IFNAR2: variants seen among roughly 807,000 people sequenced by gnomAD.
IFNAR2 encodes the protein interferon alpha and beta receptor subunit 2.
In IFNAR2, 30 loss-of-function variants were observed where a neutral mutation model predicts 49.4. The ratio of observed to expected loss-of-function variants is 0.61; its 90% CI spans 0.45 to 0.82. The LOEUF (loss-of-function observed/expected upper bound fraction) is 0.82. Ranked by LOEUF, IFNAR2 falls within the 40% of genes least tolerant of loss-of-function variation. The pLI is 0.00. For synonymous variants in IFNAR2, 224 were observed against 234.5 expected, an observed-to-expected ratio of 0.96 and a Z score of 0.41; for missense variants, 600 against 622.7, an observed-to-expected ratio of 0.96 and a Z score of 0.39.
In IFNAR2 at chr21:33,246,854, T is replaced by C. The variant is rs1987456623; in HGVS notation, c.358T>C (p.Phe120Leu). Reference protein sequence around the residue: ...LEGFSGNTTLFSCSHNFWLAI... With the variant: ...LEGFSGNTTLLSCSHNFWLAI... ...AGGATTCAGCGGGAACACAACGTTGTTCAGTTGCTCACACAATTTCTGGCT... is the reference window on the plus strand; with the variant it reads ...AGGATTCAGCGGGAACACAACGTTGCTCAGTTGCTCACACAATTTCTGGCT... Residue 120 changes from phenylalanine (F) to leucine (L), a missense_variant, in exon 5 of 9, where the codon TTC (phenylalanine) becomes CTC (leucine). Phe to Leu is a conservative substitution (Grantham distance 22). Transcript: ENST00000342136. 2.5e-6 allele frequency: 4 copies of C among 1,614,200 alleles called. No homozygotes were observed. Among genetic ancestry groups the C allele is most frequent in the Non-Finnish European group, 3.4e-6 (4 of 1,180,008 alleles).
rs1987290876 is a variant in IFNAR2, at chr21:33,245,036, T to A, written c.183T>A (p.Ile61=). 3.1e-6 allele frequency: 5 copies of A among 1,611,178 alleles called. No individual in the cohort carries two copies. Among genetic ancestry groups the A allele is most frequent in the Non-Finnish European group, 4.2e-6 (5 of 1,177,284 alleles). ...CATGGGAATTAAAAAACCACTCCAT[T>A]GTACCAACTCACTATACATTGCTGT... The part of the protein sequence containing the change: ...ILSWELKNHS[I]VPTHYTLLYT... The change falls in exon 4 of 9, where the codon ATT becomes ATA. Residue 61 remains isoleucine, a synonymous_variant. Coordinates refer to ENST00000342136, the MANE Select transcript of IFNAR2 (RefSeq NM_001289125.3).
At chr21:33,259,124 C>A (rs961629672) in intron 7 of IFNAR2, among the ~76,000 whole-genome samples, 2 of 152,000 alleles carry the variant, frequency 1.3e-5, no homozygotes, top group Non-Finnish European at 2.9e-5. Flanking sequence ...TGTGAGGTTT[C>A]TTATTTTTTG....
At chr21:33,233,908 CAA>C (rs369800912) in intron 1 of IFNAR2, among the ~76,000 whole-genome samples, 1 of 138,042 alleles carries the variant, frequency 7.2e-6, no homozygotes. Context: ...AATATACAGC[CAA>C]AAAAAAAAGA....
chr21:33,262,436 A>G, intron 8 of IFNAR2: 1 of 582,530 alleles, frequency 1.7e-6, no homozygotes, highest in East Asian at 2.8e-5. Flanking sequence ...AATTATATAT[A>G]AAGCACCAAG....
intron 1 of IFNAR2, among the ~76,000 whole-genome samples, chr21:33,237,452 T>G (rs989824377): frequency 6.6e-6 from 1 of 151,956 alleles, no homozygotes; most frequent in East Asian, 1.9e-4. Flanking sequence ...GGAGAATCGC[T>G]TGAGCCCAGG....
At chr21:33,245,107 C>T (rs780442703) in intron 4 of IFNAR2, 33 bp downstream of exon 4, 1 of 1,513,812 alleles carries the variant, frequency 6.6e-7, no homozygotes, top group South Asian at 1.1e-5. Flanking sequence ...TCTTGGTAAA[C>T]ATATTATTGT....
chr21:33,260,620 G>T lies in IFNAR2; in HGVS notation c.733G>T (p.Gly245Ter). ...AGAATCAGCAGAATCTGCCAAAATA[G>T]GAGGAATAATTACTGTGTTTTTGAT... is the stretch of plus-strand genomic sequence containing the variant. ...ESESAESAKIGGIITVFLIAL... is the reference protein window; with the variant it reads ...ESESAESAKI Residue 245 changes from glycine (G) to a stop codon, truncating the protein, a stop_gained, in exon 8 of 9, where the codon GGA becomes TGA. Transcript: ENST00000342136. LOFTEE classifies it high-confidence loss of function. The T allele has an allele frequency of 6.3e-7, 1 of 1,584,374 alleles. No individual in the cohort carries two copies. The highest frequency in any genetic ancestry group is 8.5e-7 in the Non-Finnish European group (1 of 1,171,854).
chr21:33,248,359 G>A (rs1987592386), intron 5 of IFNAR2, among the ~76,000 whole-genome samples: 1 of 109,984 alleles, frequency 9.1e-6, no homozygotes. Flanking sequence ...AAAAGAAAGA[G>A]AGAAAGAAAG....
At chr21:33,246,293 A>G (rs1292248758) in intron 4 of IFNAR2, among the ~76,000 whole-genome samples, 1 of 152,032 alleles carries the variant, frequency 6.6e-6, no homozygotes, top group African/African-American at 2.4e-5. Context: ...GATGGTCTCA[A>G]TCTCCTGACC....
chr21:33,241,630 A>AT (rs11287506), intron 1 of IFNAR2, among the ~76,000 whole-genome samples: 10 of 151,398 alleles, frequency 6.6e-5, no homozygotes, highest in South Asian at 6.3e-4. Context: ...ACTTTTCACA[A>AT]TTTTTTTTTT....
At position 33,265,581 on chromosome 21, in the gene IFNAR2, G is replaced by A. The variant is rs1988903036; in HGVS notation, c.*2081G>A. 1 of 195,128 alleles carries A rather than the reference G, an allele frequency of 5.1e-6. No homozygotes were observed. Among genetic ancestry groups the A allele is most frequent in the African/African-American group, 2.4e-5 (1 of 41,768 alleles). The allele number at this position is 195,128 out of a possible 1,614,324, so 12.1% of individuals were successfully genotyped here. A position where few individuals can be genotyped will look rare whatever the true frequency, so the allele number is the denominator to read the frequency against. On this transcript the variant is annotated 3_prime_UTR_variant, in exon 9 of 9. Transcript: ENST00000342136. ...ATAACCTCTATGGCTGTGAGTGTGTGTGTGTGTTTGTGTATTTTTTAACAT... is the reference window on the plus strand; with the variant it reads ...ATAACCTCTATGGCTGTGAGTGTGTATGTGTGTTTGTGTATTTTTTAACAT...
intron 6 of IFNAR2, chr21:33,251,577 ACTC>A: frequency 3.0e-6 from 3 of 985,048 alleles, no homozygotes; most frequent in Non-Finnish European, 3.6e-6. Context: ...TTGTTTACTA[ACTC>A]CTCCTCCCAA....
chr21:33,253,581 A>G (rs1988010946), intron 7 of IFNAR2, among the ~76,000 whole-genome samples: 1 of 152,200 alleles, frequency 6.6e-6, no homozygotes, highest in Admixed American at 6.5e-5. Flanking sequence ...TTGCGCAAGA[A>G]AGAATTCAGA....
At chr21:33,234,972 A>C (rs1243925223) in intron 1 of IFNAR2, among the ~76,000 whole-genome samples, 1 of 152,244 alleles carries the variant, frequency 6.6e-6, no homozygotes, top group Non-Finnish European at 1.5e-5. Context: ...TGGATTATTC[A>C]TAAGTTGTCT....
rs1427654176 is a variant in IFNAR2, at chr21:33,263,406, C to T, written c.1454C>T (p.Ser485Phe). The T allele has an allele frequency of 6.2e-7, 1 of 1,614,018 alleles. No individual in the cohort carries two copies. Among genetic ancestry groups the T allele is most frequent in the East Asian group, 2.2e-5 (1 of 44,896 alleles). ...ACACAGCCAACCTTTCCCAGCCCCTCTTCAGAGGGCCTGTGGTCCGAAGAT... is the reference window on the plus strand; with the variant it reads ...ACACAGCCAACCTTTCCCAGCCCCTTTTCAGAGGGCCTGTGGTCCGAAGAT... ...EGTQPTFPSP[S>F]SEGLWSEDAP... is the part of the protein sequence containing the mutation. Residue 485 changes from serine (S) to phenylalanine (F), a missense_variant, in exon 9 of 9, where the codon TCT becomes TTT. Transcript: ENST00000342136.
intron 7 of IFNAR2, among the ~76,000 whole-genome samples, chr21:33,254,140 C>G (rs1179932569): frequency 6.6e-6 from 1 of 152,144 alleles, no homozygotes; most frequent in African/African-American, 2.4e-5. Context: ...TTCTAAGCCC[C>G]CCAACCAACT....
intron 1 of IFNAR2, chr21:33,234,712 C>G: frequency 6.1e-6 from 6 of 984,008 alleles, no homozygotes; most frequent in Non-Finnish European, 7.2e-6. Flanking sequence ...GCTCTTCTTT[C>G]AGAATGGAGA....
In IFNAR2 at chr21:33,230,208, G is replaced by A. The variant is rs1198616803; in HGVS notation, c.-92G>A. The A allele has an allele frequency of 4.8e-6, 5 of 1,049,216 alleles. No homozygotes were observed. Among genetic ancestry groups the A allele is most frequent in the African/African-American group, 1.7e-5 (1 of 57,656 alleles). The allele number at this position is 1,049,216 out of a possible 1,614,324, so 65.0% of individuals were successfully genotyped here. A position where few individuals can be genotyped will look rare whatever the true frequency, so the allele number is the denominator to read the frequency against. On this transcript the variant is annotated 5_prime_UTR_variant, in exon 1 of 9. Transcript: ENST00000342136. This position sits in a 1 kb window ranked among gnomAD's most constrained non-coding sequence, Gnocchi z 5.5. ...ATCTCTCGGGAGCCGCAAGGCGAGA[G>A]CTGCAAAGGTAACGCAGCGTGGCGG...
intron 1 of IFNAR2, among the ~76,000 whole-genome samples, chr21:33,236,302 A>T (rs530505012): frequency 5.0e-4 from 76 of 152,232 alleles, no homozygotes; most frequent in African/African-American, 1.8e-3. Context: ...ACTTCTAGGC[A>T]TCCCCCTCCT....
Sources: gnomAD v4.1 joint callset for allele counts (sites outside exome capture counted in the v4.1 genomes callset) on GRCh38, gnomAD v4.1.1 for gene constraint, Gnocchi (gnomAD v3.1) non-coding constraint, MANE v1.5 for transcripts, NCBI Gene and HGNC (gene_info 2026-07-23, HGNC 2026-07-21) for gene names.